Variants in TAF1B observed in about 807,000 individuals in gnomAD.
TAF1B encodes TATA box-binding protein-associated factor RNA polymerase I subunit B.
Under a neutral mutation model 83.9 loss-of-function variants are expected in TAF1B, and 61 were observed. The observed-to-expected ratio is 0.73, with a 90% CI of 0.59 to 0.90. The LOEUF is 0.90. Among genes scored for constraint, TAF1B ranks in the 40% least tolerant of loss-of-function variants. TAF1B has a pLI of 0.00. For missense variants in TAF1B, 625 were observed against 677.0 expected (o/e 0.92, Z 0.85); for synonymous variants, 221 against 224.6 (o/e 0.98, Z 0.14).
At chr2:9,888,999 A>T (rs1423194537) in intron 8 of TAF1B, among the ~76,000 whole-genome samples, 1 of 150,622 alleles carries the variant, frequency 6.6e-6, no homozygotes, top group Admixed American at 6.6e-5. Flanking sequence ...ATGGGGTTTC[A>T]CCATGTGGGC....
chr2:9,881,556 CCTT>C (rs1234657213), intron 7 of TAF1B, among the ~76,000 whole-genome samples: 1 of 152,108 alleles, frequency 6.6e-6, no homozygotes, highest in African/African-American at 2.4e-5. Context: ...TTATTTTTCT[CCTT>C]AACATTTCAC....
At chr2:9,853,930 T>C (rs1663478748) in intron 4 of TAF1B, among the ~76,000 whole-genome samples, 1 of 152,184 alleles carries the variant, frequency 6.6e-6, no homozygotes, top group Admixed American at 6.5e-5. Context: ...TTAATGTCTT[T>C]CTCTATCTAA....
At chr2:9,887,887 C>T (rs549923360) in intron 8 of TAF1B, among the ~76,000 whole-genome samples, 93 of 151,706 alleles carry the variant, frequency 6.1e-4, no homozygotes, top group African/African-American at 2.1e-3. Flanking sequence ...GGGTCTTATT[C>T]TGTCACCCAG....
intron 2 of TAF1B, chr2:9,846,115 T>G (rs1663200506): frequency 2.1e-6 from 1 of 470,900 alleles, no homozygotes; most frequent in South Asian, 1.6e-5. Context: ...CATCACTAAC[T>G]GTGAGAGCCT....
At chr2:9,875,703 G>A (rs1178395859) in intron 6 of TAF1B, among the ~76,000 whole-genome samples, 162 bp from the exon 7 acceptor site, 2 of 152,190 alleles carry the variant, frequency 1.3e-5, no homozygotes, top group Non-Finnish European at 2.9e-5. Context: ...TCCCTCCCAT[G>A]ACACGTGGGA....
At chr2:9,888,814 T>TTTG (rs1664770916) in intron 8 of TAF1B, among the ~76,000 whole-genome samples, 1 of 130,678 alleles carries the variant, frequency 7.7e-6, no homozygotes, top group Non-Finnish European at 1.7e-5. Flanking sequence ...TTTTTTTTTT[T>TTTG]TTTTTTAAGA....
rs1304916140 is a variant in TAF1B at position 9,849,461 on chromosome 2, G to A, written c.205+1G>A. 1.9e-6 allele frequency: 3 copies of A among 1,539,798 alleles called. No homozygotes were observed. The highest frequency in any genetic ancestry group is 1.2e-5 in the South Asian group (1 of 81,768). On this transcript the variant is annotated splice_donor_variant, in intron 3 of 14. Coordinates refer to ENST00000263663, the MANE Select transcript of TAF1B (RefSeq NM_005680.3). LOFTEE classifies it high-confidence loss of function. ...GGGCTTAAAAAAAAAAACAATACTG[G>A]TAAGTTCTTTCTTCATATGTACTTA...
At chr2:9,885,170 G>A (rs985026003) in intron 8 of TAF1B, among the ~76,000 whole-genome samples, 5 of 152,172 alleles carry the variant, frequency 3.3e-5, no homozygotes, top group Non-Finnish European at 7.3e-5. Context: ...TGAGTAAAAA[G>A]CCTAAATACT....
At chr2:9,901,219 T>A (rs1229461435) in intron 8 of TAF1B, among the ~76,000 whole-genome samples, 1 of 152,168 alleles carries the variant, frequency 6.6e-6, no homozygotes, top group Non-Finnish European at 1.5e-5. Flanking sequence ...TAAAAAAATA[T>A]TTTGAGTGTT....
chr2:9,843,780 G>A (rs961415019), intron 1 of TAF1B: 5 of 510,148 alleles, frequency 9.8e-6, no homozygotes, highest in Admixed American at 4.0e-5. Flanking sequence ...GCGAGGTTGT[G>A]GGGGAGGGAG....
chr2:9,920,297 C>T (rs1476176625), intron 14 of TAF1B, among the ~76,000 whole-genome samples: 2 of 152,008 alleles, frequency 1.3e-5, no homozygotes, highest in African/African-American at 4.8e-5. Flanking sequence ...CTCATTAGAC[C>T]CCCAGTGTCC....
At chr2:9,867,723 A>T (rs1664034320) in intron 5 of TAF1B, among the ~76,000 whole-genome samples, 2 of 152,180 alleles carry the variant, frequency 1.3e-5, no homozygotes, top group Admixed American at 6.5e-5. Flanking sequence ...TGAACAGTTA[A>T]ACAGTAGTAT....
At chr2:9,857,308 G>A (rs1443162904) in intron 5 of TAF1B, among the ~76,000 whole-genome samples, 2 of 151,636 alleles carry the variant, frequency 1.3e-5, no homozygotes, top group African/African-American at 2.4e-5. Context: ...AGAAGTGATG[G>A]TGGCTGGTAC....
Position 9,908,028 on chromosome 2 carries a change from C to CTTTTTTTTTTT in TAF1B, c.956-2683_956-2673dup, listed in dbSNP as rs57261740. Among the ~76,000 whole-genome samples the CTTTTTTTTTTT allele has an allele frequency of 3.2e-4, 23 of 71,766 alleles. 2 individuals carry two copies. Among genetic ancestry groups the CTTTTTTTTTTT allele is most frequent in the African/African-American group, 7.9e-4 (10 of 12,710 alleles). The allele number at this position is 71,766 out of a possible 152,430, so 47.1% of individuals were successfully genotyped here. ...AGCGGAGCAGTTCAAGATCTTAATT[C>CTTTTTTTTTTT]TTTTTTTTTTTTTTTTTTTTTTTTT... On this transcript the variant is annotated intron_variant, in intron 9 of 14. Transcript: ENST00000263663.
chr2:9,883,761 T>C (rs570590659), intron 8 of TAF1B, among the ~76,000 whole-genome samples: 1 of 152,184 alleles, frequency 6.6e-6, no homozygotes, highest in Non-Finnish European at 1.5e-5. Flanking sequence ...AAGGGAAAAT[T>C]TGAATGTCAA....
intron 13 of TAF1B, 27 bp downstream of exon 13, chr2:9,919,138 C>T (rs1266632214): frequency 2.6e-6 from 4 of 1,567,076 alleles, no homozygotes; most frequent in Non-Finnish European, 3.5e-6. Context: ...CTTTTTAATA[C>T]CAAGTAGCAA....
intron 9 of TAF1B, 87 bp from the exon 10 acceptor site, chr2:9,910,649 T>C: frequency 8.2e-7 from 1 of 1,220,202 alleles, no homozygotes; most frequent in Non-Finnish European, 1.1e-6. Context: ...TAGTGTCGTG[T>C]TTTAAGATAA....
chr2:9,911,002 T>TA, intron 10 of TAF1B, 89 bp downstream of exon 10: 3 of 1,282,012 alleles, frequency 2.3e-6, no homozygotes, highest in Non-Finnish European at 2.1e-6. Flanking sequence ...GAAGACACTT[T>TA]AAAAAAAGAG....
At chr2:9,862,710 C>T (rs1420424536) in intron 5 of TAF1B, among the ~76,000 whole-genome samples, 5 of 152,158 alleles carry the variant, frequency 3.3e-5, no homozygotes, top group African/African-American at 1.2e-4. Context: ...TCGGGTTACC[C>T]ACAAAGGGAA....
Sources: gnomAD v4.1 joint callset for allele counts (sites outside exome capture counted in the v4.1 genomes callset) on GRCh38, gnomAD v4.1.1 for gene constraint, MANE v1.5 for transcripts, NCBI Gene and HGNC (gene_info 2026-07-23, HGNC 2026-07-21) for gene names.